TEAD1: variants seen among roughly 807,000 people sequenced by gnomAD.
TEAD1 encodes transcriptional enhancer factor TEF-1.
TEAD1 carries 9 observed loss-of-function variants against 54.9 expected under a neutral mutation model. The ratio of observed to expected loss-of-function variants is 0.16; its 90% CI spans 0.10 to 0.29. TEAD1 has a LOEUF of 0.29. Ranked by LOEUF, TEAD1 falls within the 10% of genes least tolerant of loss-of-function variation. TEAD1 has a pLI of 1.00. For synonymous variants in TEAD1, 200 were observed against 187.8 expected, an observed-to-expected ratio of 1.07 and a Z score of -0.53; for missense variants, 387 against 535.9, an observed-to-expected ratio of 0.72 and a Z score of 2.74.
intron 2 of TEAD1, among the ~76,000 whole-genome samples, chr11:12,731,435 G>GT (rs1283995380): frequency 6.6e-6 from 1 of 151,816 alleles, no homozygotes; most frequent in Non-Finnish European, 1.5e-5. Flanking sequence ...GGTGTATATT[G>GT]TTTTTTTGTA....
At position 12,892,025 on chromosome 11, in the gene TEAD1, C is replaced by G. The variant is rs185196102; in HGVS notation, c.699+8900C>G. ...ATAGTCAGAGGGAGCCCAAGGTCTC[C>G]CCTCTGGGGGACTGGCAGGCCTGTG... On this transcript the variant is annotated intron_variant, in intron 9 of 12. Coordinates refer to ENST00000527636, the MANE Select transcript of TEAD1 (RefSeq NM_021961.6). Among the ~76,000 whole-genome samples the G allele has an allele frequency of 2.0e-5, 3 of 152,312 alleles. No homozygotes were observed. In the East Asian group the frequency reaches 5.8e-4, roughly 29 times the overall value.
intron 3 of TEAD1, among the ~76,000 whole-genome samples, chr11:12,809,859 C>G (rs1946255692): frequency 6.6e-6 from 1 of 151,958 alleles, no homozygotes; most frequent in Non-Finnish European, 1.5e-5. Flanking sequence ...CCTGGCAAGT[C>G]TGCCACATGG....
At chr11:12,675,043 T>C (rs1943047609) in intron 1 of TEAD1, among the ~76,000 whole-genome samples, 1 of 146,410 alleles carries the variant, frequency 6.8e-6, no homozygotes, top group Admixed American at 6.8e-5. Flanking sequence ...GCCGCGCGAC[T>C]TGCCAGGACG....
chr11:12,736,615 G>A (rs1319792689), intron 2 of TEAD1, among the ~76,000 whole-genome samples: 1 of 152,174 alleles, frequency 6.6e-6, no homozygotes, highest in East Asian at 1.9e-4. Context: ...TAAAGCTTGT[G>A]AATGATGCTT....
intron 2 of TEAD1, among the ~76,000 whole-genome samples, chr11:12,696,866 A>G (rs2133832327): frequency 6.6e-6 from 1 of 151,978 alleles, no homozygotes; most frequent in Non-Finnish European, 1.5e-5. Flanking sequence ...TCTCCTGTGT[A>G]TTGGGTTTGA....
intron 2 of TEAD1, among the ~76,000 whole-genome samples, chr11:12,711,028 G>A (rs529947072): frequency 2.6e-5 from 4 of 152,188 alleles, no homozygotes; most frequent in Non-Finnish European, 4.4e-5. Context: ...GGACTGTACT[G>A]TGAATACCAT....
At chr11:12,839,386 C>T (rs893812687) in intron 3 of TEAD1, among the ~76,000 whole-genome samples, 4 of 152,084 alleles carry the variant, frequency 2.6e-5, no homozygotes, top group African/African-American at 7.2e-5. Context: ...ACTCCAGCCT[C>T]GGTGACAGAG....
intron 3 of TEAD1, among the ~76,000 whole-genome samples, chr11:12,789,722 A>G (rs1244387872): frequency 1.3e-5 from 2 of 152,230 alleles, no homozygotes; most frequent in Non-Finnish European, 2.9e-5. Context: ...ATATGTATGG[A>G]GAGAAGCATG....
At chr11:12,902,181 G>A in intron 10 of TEAD1, 68 bp downstream of exon 10, 1 of 1,594,024 alleles carries the variant, frequency 6.3e-7, no homozygotes. Flanking sequence ...CATGAGCACA[G>A]TGCAGCACAG....
At chr11:12,790,068 G>T (rs1343224602) in intron 3 of TEAD1, among the ~76,000 whole-genome samples, 1 of 152,254 alleles carries the variant, frequency 6.6e-6, no homozygotes, top group Non-Finnish European at 1.5e-5. Flanking sequence ...CTGTAGGGCT[G>T]TTCCTGGACT....
chr11:12,799,849 T>A (rs975366647), intron 3 of TEAD1, among the ~76,000 whole-genome samples: 9 of 152,214 alleles, frequency 5.9e-5, no homozygotes, highest in East Asian at 1.9e-4. Context: ...TGCTTTTTTT[T>A]AAACTTATAT....
chr11:12,932,394 A>C (rs1401472594), intron 12 of TEAD1, among the ~76,000 whole-genome samples: 2 of 150,672 alleles, frequency 1.3e-5, no homozygotes, highest in Non-Finnish European at 3.0e-5. Flanking sequence ...ACTCTGAATG[A>C]ATGGCTTCCC....
In TEAD1 at chr11:12,900,642, CT is replaced by C. The variant is rs371838189; in HGVS notation, c.700-1287del. ...TAGGATGAGTCTAGACCCACACAAT[CT>C]TTTTTTTTTTAAAGCAGGTCCCAGT... On this transcript the variant is annotated intron_variant, in intron 9 of 12. Transcript: ENST00000527636. 2.4e-3 allele frequency among the ~76,000 whole-genome samples: 355 copies of C among 147,300 alleles called. 2 individuals are homozygous for C. The highest frequency in any genetic ancestry group is 0.021 in the South Asian group (98 of 4,652).
At chr11:12,821,557 T>C (rs900419720) in intron 3 of TEAD1, among the ~76,000 whole-genome samples, 6 of 152,210 alleles carry the variant, frequency 3.9e-5, no homozygotes, top group East Asian at 3.8e-4. Flanking sequence ...GATACCTTCA[T>C]TGGGGGTTCC....
chr11:12,720,093 C>G (rs1410341838), intron 2 of TEAD1, among the ~76,000 whole-genome samples: 1 of 148,480 alleles, frequency 6.7e-6, no homozygotes, highest in Non-Finnish European at 1.5e-5. Flanking sequence ...TGAGGGGCAT[C>G]TCTCATTATA....
intron 5 of TEAD1, among the ~76,000 whole-genome samples, chr11:12,879,089 C>T (rs571427817): frequency 5.0e-4 from 76 of 152,294 alleles, no homozygotes; most frequent in Non-Finnish European, 9.0e-4. Context: ...AGCCCCACGG[C>T]GGGGATACCT....
chr11:12,693,958 G>A (rs539927937), intron 2 of TEAD1, among the ~76,000 whole-genome samples: 108 of 152,336 alleles, frequency 7.1e-4, no homozygotes, highest in Non-Finnish European at 1.4e-3. Context: ...TTTGTAAGCG[G>A]TAGGAAGATG....
At chr11:12,802,502 G>A (rs576725549) in intron 3 of TEAD1, among the ~76,000 whole-genome samples, 2 of 151,952 alleles carry the variant, frequency 1.3e-5, no homozygotes, top group Non-Finnish European at 1.5e-5. Context: ...TCTCACCGCC[G>A]CCCGACCCTT....
chr11:12,796,360 T>C (rs1300882636), intron 3 of TEAD1, among the ~76,000 whole-genome samples: 1 of 152,200 alleles, frequency 6.6e-6, no homozygotes, highest in Non-Finnish European at 1.5e-5. Flanking sequence ...ATATCATTTA[T>C]AGAGATGCTA....
Sources: allele counts gnomAD v4.1 joint callset (sites outside exome capture counted in the v4.1 genomes callset), GRCh38; gene constraint gnomAD v4.1.1; transcripts MANE v1.5; gene names NCBI Gene and HGNC (gene_info 2026-07-23, HGNC 2026-07-21).